Variants in DOCK5 observed in about 807,000 individuals in gnomAD.
DOCK5 encodes the protein dedicator of cytokinesis 5.
In DOCK5, 142 loss-of-function variants were observed where a neutral mutation model predicts 251.8. The observed-to-expected ratio is 0.56, with a 90% CI of 0.49 to 0.65. The LOEUF (loss-of-function observed/expected upper bound fraction) is 0.65. Among genes scored for constraint, DOCK5 ranks in the 30% least tolerant of loss-of-function variants. DOCK5 has a pLI of 0.00. For missense variants in DOCK5, 2,111 were observed against 2,312.3 expected (o/e 0.91, Z 1.79); for synonymous variants, 842 against 835.5 (o/e 1.01, Z -0.13).
chr8:25,210,080 T>TTATC (rs34206435), intron 1 of DOCK5, among the ~76,000 whole-genome samples: 784 of 26,322 alleles, frequency 0.03, 204 homozygotes, highest in South Asian at 0.03. Flanking sequence ...ATCTGTCTAT[T>TTATC]TATCTATCTA....
intron 48 of DOCK5, among the ~76,000 whole-genome samples, chr8:25,404,156 C>T (rs2117340614): frequency 6.6e-6 from 1 of 152,316 alleles, no homozygotes; most frequent in Non-Finnish European, 1.5e-5. Context: ...CATTCAGGTT[C>T]TTGGTAGCCC....
In DOCK5 at chr8:25,245,557, TGA is replaced by T. The variant is rs1331069873; in HGVS notation, c.127+1803_127+1804del. Among the ~76,000 whole-genome samples the T allele has an allele frequency of 6.9e-4, 105 of 151,364 alleles. 1 individual carries two copies. Among genetic ancestry groups the T allele is most frequent in the Admixed American group, 1.3e-3 (20 of 15,208 alleles). ...TGCAAAGTTCTTTTTTTTTTTTTTT[TGA>T]GATGGAGTCTCATTCTGTCGTCCAG... On this transcript the variant is annotated intron_variant, in intron 2 of 51. Coordinates refer to ENST00000276440, the MANE Select transcript of DOCK5 (RefSeq NM_024940.8).
intron 6 of DOCK5, among the ~76,000 whole-genome samples, chr8:25,292,569 C>T (rs1804520931): frequency 6.6e-6 from 1 of 152,098 alleles, no homozygotes; most frequent in South Asian, 2.1e-4. Flanking sequence ...GACAACATAG[C>T]GAGGCCCCAT....
Position 25,321,611 on chromosome 8 carries a change from G to C in DOCK5, c.1615+559G>C, listed in dbSNP as rs537493653. On this transcript the variant is annotated intron_variant, in intron 16 of 51. Transcript: ENST00000276440. Reference sequence around the variant, plus strand: ...GGTTCGGCTCCTGTGAGAATCTAACGCTGCTGCTGATCCAACAGGAGGCGG... The same window carrying C: ...GGTTCGGCTCCTGTGAGAATCTAACCCTGCTGCTGATCCAACAGGAGGCGG... Among the ~76,000 whole-genome samples, 38 of 152,166 alleles carry C rather than the reference G, an allele frequency of 2.5e-4. No homozygotes were observed. In the South Asian group the frequency reaches 7.5e-3, roughly 30 times the overall value.
chr8:25,389,478 A>G (rs1449147679), intron 41 of DOCK5, among the ~76,000 whole-genome samples: 1 of 152,234 alleles, frequency 6.6e-6, no homozygotes, highest in Non-Finnish European at 1.5e-5. Context: ...TCGTAGCCAG[A>G]TGGGGAGCTT....
intron 35 of DOCK5, 92 bp from the exon 36 acceptor site, chr8:25,373,526 C>G: frequency 8.0e-7 from 1 of 1,245,312 alleles, no homozygotes; most frequent in Non-Finnish European, 1.1e-6. Context: ...AAAAGTGAAA[C>G]TTTTGAAAAG....
intron 1 of DOCK5, among the ~76,000 whole-genome samples, chr8:25,215,067 A>G (rs1563310543): frequency 6.6e-6 from 1 of 152,148 alleles, no homozygotes; most frequent in African/African-American, 2.4e-5. Flanking sequence ...GCTGTGGGAA[A>G]ACATGCCTGT....
In DOCK5 at chr8:25,334,077, TA is replaced by T; in HGVS notation, c.2092-18del. 1 of 1,594,808 alleles carries T rather than the reference TA, an allele frequency of 6.3e-7. No individual in the cohort carries two copies. ...TGGGATTGTGCAGTGCTGCTATTTC[TA>T]TTTTTCACTTTTGGCAGGTATTTAT... On this transcript the variant is annotated intron_variant, in intron 20 of 51. Coordinates refer to ENST00000276440, the MANE Select transcript of DOCK5 (RefSeq NM_024940.8).
intron 6 of DOCK5, among the ~76,000 whole-genome samples, chr8:25,292,706 C>T (rs1202593580): frequency 1.3e-5 from 2 of 152,304 alleles, no homozygotes; most frequent in East Asian, 3.9e-4. Context: ...TGCCTGCACT[C>T]CAGCCTGGGC....
Position 25,390,301 on chromosome 8 carries a change from CA to C in DOCK5, c.4355+15del, listed in dbSNP as rs1801234927. The C allele has an allele frequency of 6.6e-7, 1 of 1,503,918 alleles. No homozygotes were observed. Among genetic ancestry groups the C allele is most frequent in the Admixed American group, 2.3e-5 (1 of 43,636 alleles). 93.2% of individuals were successfully genotyped at this position (1,503,918 alleles called of 1,614,324 possible). A position where few individuals can be genotyped will look rare whatever the true frequency, so the allele number is the denominator to read the frequency against. Reference sequence around the variant, plus strand: ...GCAGATCTTAAAGTAAGTGGTTTTTCATTTAAAAAAAAAAAAAATCTGTGTC... The same window carrying C: ...GCAGATCTTAAAGTAAGTGGTTTTTCTTTAAAAAAAAAAAAAATCTGTGTC... On this transcript the variant is annotated intron_variant, in intron 42 of 51. Transcript: ENST00000276440.
At chr8:25,233,818 G>T (rs901794042) in intron 1 of DOCK5, among the ~76,000 whole-genome samples, 1 of 151,908 alleles carries the variant, frequency 6.6e-6, no homozygotes, top group Non-Finnish European at 1.5e-5. Flanking sequence ...TATTTATGGG[G>T]TACACGAGAT....
intron 18 of DOCK5, among the ~76,000 whole-genome samples, chr8:25,331,793 TATATATATAGAGAG>T (rs943058501): frequency 5.5e-5 from 2 of 36,100 alleles, no homozygotes; most frequent in African/African-American, 1.3e-4. Flanking sequence ...TATATATATA[TATATATATAGAGAG>T]AGAGAGAGAG....
rs984534975 is a variant in DOCK5 at position 25,377,427 on chromosome 8, G to A, written c.3936+3G>A. On this transcript the variant is annotated splice_donor_region_variant and intron_variant, in intron 38 of 51. Transcript: ENST00000276440. ...TATCATATTTCGACAAAGGCAAAGT[G>A]AGTATTGGATTGTTTTTGTACTAGG... 1 of 1,612,924 alleles carries A rather than the reference G, an allele frequency of 6.2e-7. No individual in the cohort carries two copies. Among genetic ancestry groups the A allele is most frequent in the Non-Finnish European group, 8.5e-7 (1 of 1,179,370 alleles).
intron 1 of DOCK5, among the ~76,000 whole-genome samples, chr8:25,198,603 A>T (rs1469868494): frequency 6.6e-6 from 1 of 151,900 alleles, no homozygotes; most frequent in Non-Finnish European, 1.5e-5. Flanking sequence ...CATAAATAAG[A>T]CTCAGTTGTC....
rs201231037 is a variant in DOCK5 at position 25,339,177 on chromosome 8, GC to G, written c.2328-1695del. ...CAGTGGAATGTCACCTGGTCCCTGG[GC>G]CCCCTGTTGCCTTCCGCAGAGCTTA... On this transcript the variant is annotated intron_variant, in intron 22 of 51. Coordinates refer to ENST00000276440, the MANE Select transcript of DOCK5 (RefSeq NM_024940.8). Among the ~76,000 whole-genome samples the G allele has an allele frequency of 5.2e-3, 787 of 152,208 alleles. 4 individuals carry two copies. The highest frequency in any genetic ancestry group is 8.7e-3 in the Non-Finnish European group (592 of 67,998).
chr8:25,189,312 G>A (rs770294074), intron 1 of DOCK5, among the ~76,000 whole-genome samples: 1 of 151,882 alleles, frequency 6.6e-6, no homozygotes, highest in Non-Finnish European at 1.5e-5. Flanking sequence ...TCAGCCTTAA[G>A]CCTCCCATGT....
At chr8:25,408,751 G>C (rs1801566574) in intron 49 of DOCK5, 51 bp from the exon 50 acceptor site, 3 of 1,603,914 alleles carry the variant, frequency 1.9e-6, no homozygotes, top group Non-Finnish European at 2.6e-6. Flanking sequence ...GCATTGTTGA[G>C]CTCAGCCTTC....
chr8:25,247,516 G>C (rs879713558), intron 2 of DOCK5, among the ~76,000 whole-genome samples: 1 of 151,946 alleles, frequency 6.6e-6, no homozygotes, highest in African/African-American at 2.4e-5. Flanking sequence ...AGGATTGCTT[G>C]AGCCTGGGAG....
chr8:25,298,006 A>C (rs893264937), intron 7 of DOCK5, among the ~76,000 whole-genome samples: 4 of 151,088 alleles, frequency 2.6e-5, no homozygotes, highest in African/African-American at 9.7e-5. Flanking sequence ...GTAGTGAACT[A>C]TGATCATACC....
Sources: allele counts gnomAD v4.1 joint callset (sites outside exome capture counted in the v4.1 genomes callset), GRCh38; gene constraint gnomAD v4.1.1; transcripts MANE v1.5; gene names NCBI Gene and HGNC (gene_info 2026-07-23, HGNC 2026-07-21).